The following RARB variants were observed in gnomAD, a reference collection of about 807,000 sequenced individuals.
RARB encodes retinoic acid receptor beta.
A neutral mutation model predicts 51.9 loss-of-function variants in RARB; 17 were observed. The ratio of observed to expected loss-of-function variants is 0.33; its 90% confidence interval spans 0.22 to 0.49. RARB has a LOEUF of 0.49. RARB is among the 20% of genes least tolerant of loss of function. The pLI is 0.99. For synonymous variants in RARB, 215 were observed against 195.4 expected (o/e 1.10, Z -0.84); for missense variants, 369 against 550.8 (o/e 0.67, Z 3.30).
intron 1 of RARB, among the ~76,000 whole-genome samples, chr3:25,431,751 C>A (rs142124149): frequency 3.9e-5 from 6 of 152,206 alleles, no homozygotes; most frequent in African/African-American, 1.4e-4. Context: ...AAAATATTTT[C>A]TTTTTGAAAT....
Position 24,877,887 on chromosome 3 carries a change from G to C in RARB, c.-380+19135G>C, listed in dbSNP as rs565406959. ...GAGCCTCTAATCGGCTTTTAAGGAA[G>C]ATTTTCCTGTTTCTTTTCAAAATAT... On this transcript the variant is annotated intron_variant, in intron 2 of 11. Transcript: ENST00000383772. Among the ~76,000 whole-genome samples, 7 of 152,292 alleles carry C rather than the reference G, an allele frequency of 4.6e-5. No individual in the cohort carries two copies. In the South Asian group the frequency reaches 1.5e-3, roughly 32 times the overall value.
intron 2 of RARB, among the ~76,000 whole-genome samples, chr3:24,933,198 A>G (rs987590332): frequency 6.6e-6 from 1 of 152,128 alleles, no homozygotes; most frequent in African/African-American, 2.4e-5. Flanking sequence ...CATTCTTTCA[A>G]ATAACTCTGC....
At position 25,041,349 on chromosome 3, in the gene RARB, A is replaced by T. The variant is rs1387563357; in HGVS notation, c.-379-18776A>T. On this transcript the variant is annotated intron_variant, in intron 2 of 11. Transcript: ENST00000383772. ...CAAGTTTTTTTCAAGGTTGCCGTTT[A>T]ATATTTAAATATTCGAATCCATCTT... Among the ~76,000 whole-genome samples the T allele has an allele frequency of 5.3e-5, 8 of 152,154 alleles. No homozygotes were observed. The East Asian group carries it at 1.5e-3, about 29-fold the overall frequency.
intron 2 of RARB, among the ~76,000 whole-genome samples, chr3:24,973,652 T>C (rs1696448833): frequency 1.3e-5 from 2 of 152,242 alleles, no homozygotes; most frequent in South Asian, 4.1e-4. Context: ...TAGTTTTCCT[T>C]ATACAGATCT....
At chr3:24,874,676 T>A (rs1194157609) in intron 2 of RARB, among the ~76,000 whole-genome samples, 3 of 152,040 alleles carry the variant, frequency 2.0e-5, no homozygotes, top group Non-Finnish European at 2.9e-5. Flanking sequence ...ATTTTGCCTC[T>A]TTACATAGCT....
chr3:25,071,106 A>G (rs899015583), intron 3 of RARB, among the ~76,000 whole-genome samples: 2 of 152,176 alleles, frequency 1.3e-5, no homozygotes, highest in African/African-American at 4.8e-5. Flanking sequence ...TAAAAATAAA[A>G]CCATTTAAAA....
rs908111530 is a variant in RARB, at chr3:25,072,720, T to A, written c.-328+12544T>A. On this transcript the variant is annotated intron_variant, in intron 3 of 11. Coordinates refer to the RARB transcript ENST00000383772. ...GGTTTCTTTAATTTTTTATTTATTT[T>A]TTTTTTGAGATAGAGTCTCGCTCTG... Among the ~76,000 whole-genome samples, 21 of 151,960 alleles carry A rather than the reference T, an allele frequency of 1.4e-4. 1 individual carries two copies. The highest frequency in any genetic ancestry group is 2.0e-4 in the Admixed American group (3 of 15,280).
intron 3 of RARB, among the ~76,000 whole-genome samples, chr3:25,511,529 A>C (rs1011805341): frequency 6.6e-6 from 1 of 152,222 alleles, no homozygotes; most frequent in African/African-American, 2.4e-5. Context: ...AATTTTATTT[A>C]AGAAAAAAAA....
At chr3:25,265,544 C>G (rs1385025743) in intron 5 of RARB, among the ~76,000 whole-genome samples, 1 of 152,166 alleles carries the variant, frequency 6.6e-6, no homozygotes, top group Non-Finnish European at 1.5e-5. Flanking sequence ...GCAACCTCAG[C>G]TCACTGCAAC....
intron 1 of RARB, among the ~76,000 whole-genome samples, chr3:25,436,902 A>C (rs548777515): frequency 6.6e-6 from 1 of 152,266 alleles, no homozygotes; most frequent in South Asian, 2.1e-4. Flanking sequence ...TGATGGTCCA[A>C]GATAATGCAA....
intron 5 of RARB, among the ~76,000 whole-genome samples, chr3:25,411,303 A>G (rs1707555447): frequency 6.6e-6 from 1 of 152,214 alleles, no homozygotes; most frequent in Admixed American, 6.5e-5. Flanking sequence ...ACTTACAGAG[A>G]CCAGGTTTTG....
At chr3:25,360,195 C>T (rs1032123961) in intron 5 of RARB, among the ~76,000 whole-genome samples, 1 of 152,156 alleles carries the variant, frequency 6.6e-6, no homozygotes, top group African/African-American at 2.4e-5. Context: ...AGAGTTCGCT[C>T]TTCTTGTTGT....
At chr3:25,299,372 A>G (rs1340108330) in intron 5 of RARB, among the ~76,000 whole-genome samples, 3 of 152,030 alleles carry the variant, frequency 2.0e-5, no homozygotes, top group African/African-American at 4.8e-5. Context: ...TAATTTTTGT[A>G]TTTATTTTGT....
intron 2 of RARB, among the ~76,000 whole-genome samples, chr3:25,043,763 C>G (rs146138779): frequency 6.6e-6 from 1 of 151,960 alleles, no homozygotes; most frequent in African/African-American, 2.4e-5. Context: ...CCTAAGATGC[C>G]GAAGTCACCG....
chr3:25,356,464 C>G (rs1366854064), intron 5 of RARB, among the ~76,000 whole-genome samples: 3 of 151,844 alleles, frequency 2.0e-5, no homozygotes, highest in Non-Finnish European at 4.4e-5. Context: ...CTTTGATAAT[C>G]TTTAATAATT....
intron 2 of RARB, among the ~76,000 whole-genome samples, chr3:25,019,972 C>T (rs574850678): frequency 6.6e-6 from 1 of 152,166 alleles, no homozygotes; most frequent in South Asian, 2.1e-4. Flanking sequence ...CATTCTTGTG[C>T]ATTTATCTCA....
chr3:25,260,127 T>C (rs1292045731), intron 5 of RARB, among the ~76,000 whole-genome samples: 3 of 152,172 alleles, frequency 2.0e-5, no homozygotes, highest in Non-Finnish European at 4.4e-5. Context: ...GACTCTGTTC[T>C]GAGATCAGCC....
At chr3:24,871,135 C>A (rs1702939260) in intron 2 of RARB, among the ~76,000 whole-genome samples, 2 of 152,048 alleles carry the variant, frequency 1.3e-5, no homozygotes, top group African/African-American at 4.8e-5. Context: ...TGATGACCAA[C>A]CTTGTCTTCT....
chr3:24,863,046 GA>G (rs1293141534), intron 2 of RARB, among the ~76,000 whole-genome samples: 1 of 152,202 alleles, frequency 6.6e-6, no homozygotes, highest in African/African-American at 2.4e-5. Flanking sequence ...GAGATGGCCA[GA>G]AAGGAGAATA....
Sources: gnomAD v4.1 joint callset for allele counts (sites outside exome capture counted in the v4.1 genomes callset) on GRCh38, gnomAD v4.1.1 for gene constraint, MANE v1.5 for transcripts, NCBI Gene and HGNC (gene_info 2026-07-23, HGNC 2026-07-21) for gene names.